PIK3R1: variants seen among roughly 807,000 people sequenced by gnomAD.
PIK3R1 encodes phosphatidylinositol 3-kinase regulatory subunit alpha.
In PIK3R1, 29 loss-of-function variants were observed where a neutral mutation model predicts 98.0. The ratio of observed to expected loss-of-function variants is 0.30; its 90% CI spans 0.22 to 0.40. The LOEUF (loss-of-function observed/expected upper bound fraction) is 0.40, where lower values mean the gene tolerates loss of function less well. Among genes scored for constraint, PIK3R1 ranks in the 10% least tolerant of loss-of-function variants. The pLI is 1.00. For missense variants in PIK3R1, 596 were observed against 872.7 expected, an observed-to-expected ratio of 0.68 and a Z score of 3.99; for synonymous variants, 282 against 311.8, an observed-to-expected ratio of 0.90 and a Z score of 1.01.
intron 7 of PIK3R1, chr5:68,288,688 T>C (rs760141038): frequency 3.7e-5 from 60 of 1,612,036 alleles, no homozygotes; most frequent in Non-Finnish European, 5.1e-5. Context: ...TTGGGGATTT[T>C]TTTTTTTTCA....
intron 7 of PIK3R1, 184 bp from the exon 8 acceptor site, chr5:68,292,059 CAGTTTCATTTCTTTTT>C: frequency 2.4e-6 from 1 of 412,508 alleles, no homozygotes; most frequent in South Asian, 5.1e-5. Flanking sequence ...TTCTCCTTTT[CAGTTTCATTTCTTTTT>C]GAGCCATGCT....
intron 2 of PIK3R1, among the ~76,000 whole-genome samples, chr5:68,254,985 A>AT (rs1413993872): frequency 1.3e-5 from 2 of 151,870 alleles, no homozygotes; most frequent in Admixed American, 6.5e-5. Context: ...TCAGGCCACA[A>AT]TTTTTTTTCT....
chr5:68,247,113 T>G (rs937945736), intron 2 of PIK3R1, among the ~76,000 whole-genome samples: 3 of 152,220 alleles, frequency 2.0e-5, no homozygotes, highest in South Asian at 2.1e-4. Flanking sequence ...ATAAGGGGCT[T>G]GGAAATATGT....
rs997533164 is a variant in PIK3R1 at position 68,296,285 on chromosome 5, T to G, written c.1929T>G (p.Asp643Glu). Residue 643 changes from aspartate to glutamate, a missense_variant, in exon 15 of 16, where the codon GAT (aspartate) becomes GAG (glutamate). Transcript: ENST00000521381. ...AAAACCTGTTGCGAGGGAAGCGAGATGGCACTTTTCTTGTCCGGGAGAGCA... is the reference window on the plus strand; with the variant it reads ...AAAACCTGTTGCGAGGGAAGCGAGAGGGCACTTTTCTTGTCCGGGAGAGCA... ...KAENLLRGKR[D>E]GTFLVRESSK... 1 of 1,614,212 alleles carries G rather than the reference T, an allele frequency of 6.2e-7. No individual in the cohort carries two copies. The highest frequency in any genetic ancestry group is 8.5e-7 in the Non-Finnish European group (1 of 1,180,022).
chr5:68,245,314 T>C (rs896729914), intron 2 of PIK3R1, among the ~76,000 whole-genome samples: 8 of 152,156 alleles, frequency 5.3e-5, no homozygotes, highest in African/African-American at 1.7e-4. Flanking sequence ...AAATATGCTT[T>C]TTTTTTAAAA....
intron 2 of PIK3R1, among the ~76,000 whole-genome samples, chr5:68,249,269 C>T (rs1216792766): frequency 6.6e-6 from 1 of 152,154 alleles, no homozygotes; most frequent in Non-Finnish European, 1.5e-5. Context: ...TTCCTGGAAC[C>T]ACCAAAGAAG....
rs1359719014 is a variant in PIK3R1 at position 68,296,458 on chromosome 5, C to G, written c.1985+117C>G. 4 of 935,438 alleles carry G rather than the reference C, an allele frequency of 4.3e-6. 1 individual carries two copies. The highest frequency in any genetic ancestry group is 2.7e-4 in the Middle Eastern group (1 of 3,694). The allele number at this position is 935,438 out of a possible 1,614,324, so 57.9% of individuals were successfully genotyped here. A position where few individuals can be genotyped will look rare whatever the true frequency, so the allele number is the denominator to read the frequency against. ...ATAGTTTTAGTCTTGAATAAGCTTA[C>G]AGTACAATAATGTAGAAGAGAAACC... On this transcript the variant is annotated intron_variant, in intron 15 of 15. Transcript: ENST00000521381.
intron 2 of PIK3R1, among the ~76,000 whole-genome samples, chr5:68,235,455 T>C (rs1226276852): frequency 6.6e-6 from 1 of 151,764 alleles, no homozygotes; most frequent in Non-Finnish European, 1.5e-5. Context: ...TAATTTTCAA[T>C]GCTTAAGAAT....
intron 1 of PIK3R1, among the ~76,000 whole-genome samples, chr5:68,216,289 A>G (rs962503558): frequency 6.6e-6 from 1 of 152,100 alleles, no homozygotes; most frequent in Non-Finnish European, 1.5e-5. Flanking sequence ...CCGTCACCGC[A>G]CACTTCGGAG....
chr5:68,291,337 T>A (rs1260113223), intron 7 of PIK3R1: 3 of 152,260 alleles, frequency 2.0e-5, no homozygotes, highest in Non-Finnish European at 4.4e-5. Flanking sequence ...AAAAAGAAGT[T>A]GACTTTCCAT....
intron 2 of PIK3R1, among the ~76,000 whole-genome samples, chr5:68,256,445 G>A (rs1238692263): frequency 6.6e-6 from 1 of 152,072 alleles, no homozygotes; most frequent in Admixed American, 6.6e-5. Flanking sequence ...TTCACCAGGA[G>A]GGTCTCGATC....
In PIK3R1 at chr5:68,292,289, C is replaced by T. The variant is rs1480369458; in HGVS notation, c.947C>T (p.Thr316Ile). Residue 316 changes from threonine (T) to isoleucine (I), a missense_variant, in exon 8 of 16, where the codon ACT (threonine) becomes ATT (isoleucine). Physicochemically the swap from Thr to Ile is moderately conservative, Grantham distance 89. Coordinates refer to ENST00000521381, the MANE Select transcript of PIK3R1 (RefSeq NM_181523.3). ...CCTCCTAAACCACCAAAACCTACTA[C>T]TGTAGCCAACAACGGTATGAATAAC... is the stretch of plus-strand genomic sequence containing the variant. ...ALPPKPPKPT[T>I]VANNGMNNNM... 1 of 1,613,648 alleles carries T rather than the reference C, an allele frequency of 6.2e-7. No homozygotes were observed. The highest frequency in any genetic ancestry group is 1.3e-5 in the African/African-American group (1 of 75,026).
At chr5:68,228,580 T>C (rs1744366326) in intron 2 of PIK3R1, among the ~76,000 whole-genome samples, 2 of 152,250 alleles carry the variant, frequency 1.3e-5, no homozygotes, top group African/African-American at 4.8e-5. Flanking sequence ...ACATACGTAA[T>C]CGTTTTTCTC....
intron 2 of PIK3R1, among the ~76,000 whole-genome samples, chr5:68,257,911 G>A (rs561680601): frequency 2.0e-4 from 30 of 152,334 alleles, no homozygotes; most frequent in Admixed American, 1.8e-3. Flanking sequence ...TTTGGGAACT[G>A]CTTGCCACTT....
intron 2 of PIK3R1, among the ~76,000 whole-genome samples, chr5:68,249,539 T>A (rs1475915687): frequency 1.3e-5 from 2 of 152,236 alleles, no homozygotes; most frequent in Non-Finnish European, 2.9e-5. Context: ...GTTTCTTTTT[T>A]AAATAACATC....
At chr5:68,286,075 C>T (rs1000269929) in intron 7 of PIK3R1, among the ~76,000 whole-genome samples, 2 of 152,074 alleles carry the variant, frequency 1.3e-5, no homozygotes, top group African/African-American at 2.4e-5. Context: ...GTGACTTGTA[C>T]ATATGAAATA....
At chr5:68,276,760 T>C (rs1480656773) in intron 4 of PIK3R1, among the ~76,000 whole-genome samples, 2 of 152,238 alleles carry the variant, frequency 1.3e-5, no homozygotes, top group Admixed American at 1.3e-4. Context: ...ATTTTATTCA[T>C]ATACTATGAA....
chr5:68,252,695 T>A, intron 2 of PIK3R1, among the ~76,000 whole-genome samples: 1 of 152,214 alleles, frequency 6.6e-6, no homozygotes, highest in East Asian at 1.9e-4. Flanking sequence ...GAACAAAGAT[T>A]TGCAATTTCT....
Position 68,294,545 on chromosome 5 carries a change from A to G in PIK3R1, c.1435A>G (p.Met479Val). The change falls in exon 12 of 16, where the codon ATG (methionine) becomes GTG (valine). Residue 479 changes from methionine (M) to valine (V), a missense_variant. Met to Val is a conservative substitution (Grantham distance 21). Around this residue, in one of 3 missense-constraint regions of PIK3R1, gnomAD observed 207 missense variants for 361.4 expected, o/e 0.57. Transcript: ENST00000521381. Reference protein sequence around the residue: ...EYTRTSQEIQMKRTAIEAFNE... With the variant: ...EYTRTSQEIQVKRTAIEAFNE... ...TAAAATTATGTTGCAGGAAATCCAAATGAAAAGGACAGCTATTGAAGCATT... is the reference window on the plus strand; with the variant it reads ...TAAAATTATGTTGCAGGAAATCCAAGTGAAAAGGACAGCTATTGAAGCATT... The G allele has an allele frequency of 6.2e-7, 1 of 1,601,382 alleles. No individual in the cohort carries two copies. The highest frequency in any genetic ancestry group is 8.5e-7 in the Non-Finnish European group (1 of 1,175,256).
Sources: allele counts gnomAD v4.1 joint callset (sites outside exome capture counted in the v4.1 genomes callset), GRCh38; gene constraint gnomAD v4.1.1; regional missense constraint gnomAD v4.1.1; transcripts MANE v1.5; gene names NCBI Gene and HGNC (gene_info 2026-07-23, HGNC 2026-07-21).